The following FBXL7 variants were observed in gnomAD, a reference collection of about 807,000 sequenced individuals.
FBXL7 encodes the protein F-box and leucine rich repeat protein 7, also known as F-box/LRR-repeat protein 7.
In FBXL7, 12 loss-of-function variants were observed where a neutral mutation model predicts 38.3. The observed-to-expected ratio is 0.31, with a 90% CI of 0.20 to 0.51. The LOEUF is 0.51. Among genes scored for constraint, FBXL7 ranks in the 20% least tolerant of loss-of-function variants. The pLI, the probability that FBXL7 is intolerant of heterozygous loss-of-function variation, is 0.98. For missense variants in FBXL7, 567 were observed against 676.4 expected (o/e 0.84, Z 1.79); for synonymous variants, 297 against 300.9 (o/e 0.99, Z 0.13).
chr5:15,567,588 T>A (rs1312669486), intron 1 of FBXL7, among the ~76,000 whole-genome samples: 28 of 151,464 alleles, frequency 1.8e-4, no homozygotes, highest in African/African-American at 6.3e-4. Context: ...TTCTTCTTTT[T>A]TTTATATATA....
At chr5:15,626,139 G>A (rs1740809735) in intron 2 of FBXL7, among the ~76,000 whole-genome samples, 1 of 152,154 alleles carries the variant, frequency 6.6e-6, no homozygotes, top group Non-Finnish European at 1.5e-5. Context: ...GGAAAGCTTT[G>A]CAAGACTTTA....
At chr5:15,570,919 C>A (rs1282560156) in intron 1 of FBXL7, among the ~76,000 whole-genome samples, 1 of 151,814 alleles carries the variant, frequency 6.6e-6, no homozygotes, top group Non-Finnish European at 1.5e-5. Flanking sequence ...ATGGAGAAAC[C>A]CCATCTCTAC....
intron 2 of FBXL7, among the ~76,000 whole-genome samples, chr5:15,678,092 G>A (rs1742721232): frequency 6.6e-6 from 1 of 152,028 alleles, no homozygotes; most frequent in Non-Finnish European, 1.5e-5. Flanking sequence ...CTCTGCTGAG[G>A]GCCCCTCTGA....
intron 2 of FBXL7, among the ~76,000 whole-genome samples, chr5:15,724,651 T>G (rs1744293468): frequency 6.6e-6 from 1 of 152,232 alleles, no homozygotes; most frequent in Non-Finnish European, 1.5e-5. Flanking sequence ...TGTTTTCAAC[T>G]ATCACATTTA....
At chr5:15,725,838 A>G (rs966980407) in intron 2 of FBXL7, among the ~76,000 whole-genome samples, 2 of 152,134 alleles carry the variant, frequency 1.3e-5, no homozygotes, top group Non-Finnish European at 2.9e-5. Flanking sequence ...GGGTTTCACC[A>G]TGTTGGCCAG....
At chr5:15,846,042 C>T (rs1738892215) in intron 2 of FBXL7, among the ~76,000 whole-genome samples, 1 of 152,196 alleles carries the variant, frequency 6.6e-6, no homozygotes, top group South Asian at 2.1e-4. Flanking sequence ...TCCAGTTCTC[C>T]AAATATATCC....
chr5:15,537,374 A>T (rs781781793), intron 1 of FBXL7, among the ~76,000 whole-genome samples: 12 of 152,250 alleles, frequency 7.9e-5, no homozygotes, highest in African/African-American at 2.9e-4. Flanking sequence ...GGACACACCA[A>T]GACTCCAGAC....
chr5:15,745,117 G>A (rs1735981310), intron 2 of FBXL7, among the ~76,000 whole-genome samples: 1 of 152,046 alleles, frequency 6.6e-6, no homozygotes, highest in Non-Finnish European at 1.5e-5. Context: ...ATAGAGATGA[G>A]TTTTGAATTA....
intron 2 of FBXL7, among the ~76,000 whole-genome samples, chr5:15,852,869 C>T (rs1366301771): frequency 6.6e-6 from 1 of 152,136 alleles, no homozygotes; most frequent in Non-Finnish European, 1.5e-5. Flanking sequence ...GCAAAGCACT[C>T]TGTGAGGGGC....
intron 1 of FBXL7, chr5:15,501,328 C>A: frequency 1.4e-6 from 1 of 706,302 alleles, no homozygotes; most frequent in Non-Finnish European, 1.7e-6. Flanking sequence ...TATTGCCTGT[C>A]AAGTGGGAAC....
At chr5:15,705,728 C>T (rs992970205) in intron 2 of FBXL7, among the ~76,000 whole-genome samples, 5 of 152,008 alleles carry the variant, frequency 3.3e-5, no homozygotes, top group Non-Finnish European at 5.9e-5. Flanking sequence ...TTGAATGCCT[C>T]TACATTCCAG....
intron 2 of FBXL7, among the ~76,000 whole-genome samples, chr5:15,897,069 G>T (rs1741120578): frequency 6.6e-6 from 1 of 152,208 alleles, no homozygotes; most frequent in Non-Finnish European, 1.5e-5. Context: ...GGAAGCAGAG[G>T]TTGCAGTGAA....
chr5:15,753,554 G>A (rs2173691), intron 2 of FBXL7, among the ~76,000 whole-genome samples: 15,819 of 152,168 alleles, frequency 0.1, 970 homozygotes, highest in South Asian at 0.16. Context: ...GACAGGAGAT[G>A]CTCATGGCTA....
intron 2 of FBXL7, among the ~76,000 whole-genome samples, chr5:15,843,508 A>G (rs1476137804): frequency 1.3e-5 from 2 of 152,218 alleles, no homozygotes; most frequent in African/African-American, 4.8e-5. Flanking sequence ...GTGATCATGG[A>G]ATTAAAACTA....
intron 2 of FBXL7, among the ~76,000 whole-genome samples, chr5:15,888,102 A>G (rs1269157736): frequency 1.3e-5 from 2 of 152,212 alleles, no homozygotes; most frequent in South Asian, 2.1e-4. Context: ...TAACTAATTC[A>G]TATTGCACTA....
intron 1 of FBXL7, among the ~76,000 whole-genome samples, chr5:15,502,864 C>G (rs1299276312): frequency 1.3e-5 from 2 of 152,040 alleles, no homozygotes; most frequent in Non-Finnish European, 2.9e-5. Context: ...TAAAAGCAAC[C>G]CCTAGACATA....
chr5:15,703,221 C>T (rs910291391), intron 2 of FBXL7, among the ~76,000 whole-genome samples: 1 of 152,114 alleles, frequency 6.6e-6, no homozygotes, highest in African/African-American at 2.4e-5. Context: ...ACTAATTCTA[C>T]TTTTAGTATT....
intron 2 of FBXL7, among the ~76,000 whole-genome samples, chr5:15,831,141 G>A (rs1481622042): frequency 6.6e-6 from 1 of 152,210 alleles, no homozygotes; most frequent in Non-Finnish European, 1.5e-5. Flanking sequence ...TCTTGGGACT[G>A]CAGCAGTCTT....
intron 2 of FBXL7, among the ~76,000 whole-genome samples, chr5:15,833,284 T>A (rs1399722286): frequency 1.3e-5 from 2 of 152,324 alleles, no homozygotes; most frequent in East Asian, 3.9e-4. Context: ...ACCTTCTTGC[T>A]GTGTCCTCAC....
Sources: gnomAD v4.1 joint callset for allele counts (sites outside exome capture counted in the v4.1 genomes callset) on GRCh38, gnomAD v4.1.1 for gene constraint, MANE v1.5 for transcripts, NCBI Gene and HGNC (gene_info 2026-07-23, HGNC 2026-07-21) for gene names.